Variants in STX16 observed in about 807,000 individuals in gnomAD.
The protein encoded by STX16 is syntaxin 16, also known as syntaxin-16.
STX16 carries 28 observed loss-of-function variants against 42.7 expected under a neutral mutation model. The ratio of observed to expected loss-of-function variants is 0.66; its 90% CI spans 0.49 to 0.90. STX16 has a LOEUF of 0.90. Among genes scored for constraint, STX16 ranks in the 40% least tolerant of loss-of-function variants. The probability of loss-of-function intolerance (pLI) is 0.00; values close to 1 mark genes in which losing one functional copy is unlikely to be tolerated. For missense variants in STX16, 361 were observed against 420.9 expected (o/e 0.86, Z 1.24); for synonymous variants, 156 against 155.2 (o/e 1.00, Z -0.04).
intron 7 of STX16, among the ~76,000 whole-genome samples, chr20:58,672,026 T>A (rs528886458): frequency 1.3e-5 from 2 of 152,174 alleles, no homozygotes; most frequent in Non-Finnish European, 2.9e-5. Context: ...CTTTGTTTTA[T>A]GCACAAAACT....
intron 2 of STX16, 64 bp from the exon 3 acceptor site, chr20:58,667,426 T>TA (rs1287659646): frequency 7.9e-7 from 1 of 1,262,454 alleles, no homozygotes; most frequent in African/African-American, 1.5e-5. Flanking sequence ...TAAGAGAGAG[T>TA]AAGAGTATTT....
chr20:58,660,012 T>G (rs2083664603), intron 2 of STX16, among the ~76,000 whole-genome samples: 1 of 152,188 alleles, frequency 6.6e-6, no homozygotes. Context: ...AAGGCCAGCA[T>G]GTCTGTGAAG....
intron 2 of STX16, among the ~76,000 whole-genome samples, chr20:58,660,217 A>G (rs1314504992): frequency 2.0e-5 from 3 of 152,222 alleles, no homozygotes; most frequent in Admixed American, 6.5e-5. Context: ...TGGAGAGAAT[A>G]TATATTCAAA....
At chr20:58,663,518 T>C (rs1165148680) in intron 2 of STX16, among the ~76,000 whole-genome samples, 1 of 152,178 alleles carries the variant, frequency 6.6e-6, no homozygotes, top group African/African-American at 2.4e-5. Flanking sequence ...TGCATTTCTC[T>C]CAGGAAGGAT....
chr20:58,667,549 T>G lies in STX16; in HGVS notation c.204T>G (p.Ile68Met). ...SGISLDPEAA[I>M]GVTKRPPPKW... is the part of the protein sequence containing the mutation. ...TCAGCTTAGATCCAGAAGCAGCGAT[T>G]GGTGTGACAAAACGGCCACCTCCTA... Residue 68 changes from isoleucine (I) to methionine (M), a missense_variant, in exon 3 of 9, where the codon ATT becomes ATG. Physicochemically the swap from Ile to Met is conservative, Grantham distance 10 (BLOSUM62 1). Transcript: ENST00000371141. 6.2e-7 allele frequency: 1 copy of G among 1,614,184 alleles called. No homozygotes were observed.
intron 4 of STX16, 65 bp from the exon 5 acceptor site, chr20:58,669,226 G>A: frequency 1.3e-6 from 2 of 1,551,212 alleles, no homozygotes; most frequent in South Asian, 1.1e-5. Flanking sequence ...GGCTTGTGAT[G>A]TGGCAGTGTT....
At chr20:58,653,903 C>G (rs1386401076) in intron 1 of STX16, among the ~76,000 whole-genome samples, 2 of 149,738 alleles carry the variant, frequency 1.3e-5, no homozygotes, top group African/African-American at 4.9e-5. Flanking sequence ...AACCTAGTAT[C>G]TGAGACGGGA....
chr20:58,671,424 T>TTTA lies in STX16; in HGVS notation c.792+128_792+129insTAT, dbSNP rs11474130. The stretch of plus-strand genomic sequence containing the variant: ...CCCAACATGTGTGTGCACCTGTCCT[T>TTTA]TATGTGTGTGTGGGTGTGTGTGTGT... On this transcript the variant is annotated intron_variant, in intron 7 of 8. Transcript: ENST00000371141. The TTTA allele has an allele frequency of 0.31, 173,407 of 563,936 alleles. 33,862 individuals carry two copies. The highest frequency in any genetic ancestry group is 0.34 in the South Asian group (13,942 of 40,584). 34.9% of individuals were successfully genotyped at this position (563,936 alleles called of 1,614,324 possible). A position where few individuals can be genotyped will look rare whatever the true frequency, so the allele number is the denominator to read the frequency against.
chr20:58,653,146 G>A (rs1053940770), intron 1 of STX16, among the ~76,000 whole-genome samples: 13 of 152,210 alleles, frequency 8.5e-5, no homozygotes, highest in African/African-American at 3.1e-4. Context: ...TAGAAGCAGC[G>A]TTGGAACAGG....
intron 2 of STX16, 82 bp downstream of exon 2, chr20:58,659,716 A>G: frequency 6.9e-7 from 1 of 1,454,530 alleles, no homozygotes; most frequent in Non-Finnish European, 9.6e-7. Context: ...TTGCTCATAT[A>G]TAAAATGCTA....
chr20:58,652,253 A>G lies in STX16; in HGVS notation c.132+115A>G, dbSNP rs1460446401. The G allele has an allele frequency of 3.5e-6, 5 of 1,420,340 alleles. No individual in the cohort carries two copies. The Admixed American group carries it at 9.7e-5, about 27-fold the overall frequency. The allele number at this position is 1,420,340 out of a possible 1,614,324, so 88.0% of individuals were successfully genotyped here. A position where few individuals can be genotyped will look rare whatever the true frequency, so the allele number is the denominator to read the frequency against. On this transcript the variant is annotated intron_variant, in intron 1 of 8. Transcript: ENST00000371141. ...AAGAGAAGATAAGAATAATAAGACT[A>G]AGAATAATAAGATCTCTTGGCTAGA...
rs1425554318 is a variant in STX16, at chr20:58,677,964, A to G, written c.*1673A>G. On this transcript the variant is annotated 3_prime_UTR_variant, in exon 9 of 9. Coordinates refer to ENST00000371141, the MANE Select transcript of STX16 (RefSeq NM_001001433.3). ...AAGCGGACCTGGTATTCCCTGACAA[A>G]CATTGCTTAGGAAAGAGGGCCGGAG... The G allele has an allele frequency of 6.6e-6, 1 of 152,252 alleles. No homozygotes were observed. Among genetic ancestry groups the G allele is most frequent in the Non-Finnish European group, 1.5e-5 (1 of 68,070 alleles). The allele number at this position is 152,252 out of a possible 1,614,324, so 9.4% of individuals were successfully genotyped here.
At chr20:58,661,986 G>A (rs528277054) in intron 2 of STX16, among the ~76,000 whole-genome samples, 4 of 152,176 alleles carry the variant, frequency 2.6e-5, no homozygotes, top group Non-Finnish European at 5.9e-5. Flanking sequence ...TCTAGCCTGA[G>A]TACCCTGGAG....
At position 58,679,335 on chromosome 20, in the gene STX16, CCCTT is replaced by C. The variant is rs1036447222; in HGVS notation, c.*3047_*3050del. On this transcript the variant is annotated 3_prime_UTR_variant, in exon 9 of 9. Transcript: ENST00000371141. ...TAATGGCTTCTTAAAGGTAATAAAA[CCCTT>C]CCAACGTAATTGGTCAGATAAAACT... 3 of 152,608 alleles carry C rather than the reference CCCTT, an allele frequency of 2.0e-5. No individual in the cohort carries two copies. Among genetic ancestry groups the C allele is most frequent in the African/African-American group, 7.2e-5 (3 of 41,456 alleles). The allele number at this position is 152,608 out of a possible 1,614,324, so 9.5% of individuals were successfully genotyped here. A position where few individuals can be genotyped will look rare whatever the true frequency, so the allele number is the denominator to read the frequency against.
intron 1 of STX16, 72 bp from the exon 2 acceptor site, chr20:58,659,551 G>T: frequency 6.5e-7 from 1 of 1,530,742 alleles, no homozygotes; most frequent in Non-Finnish European, 8.9e-7. Flanking sequence ...TTGTCTGTCT[G>T]TCTGTCCCAT....
At chr20:58,669,554 T>A (rs1601035835) in intron 5 of STX16, 101 bp downstream of exon 5, 1 of 1,358,442 alleles carries the variant, frequency 7.4e-7, no homozygotes, top group East Asian at 2.5e-5. Flanking sequence ...TACCTTTCAT[T>A]GTTAGCTTTT....
At chr20:58,666,682 G>C (rs1241339820) in intron 2 of STX16, among the ~76,000 whole-genome samples, 1 of 152,088 alleles carries the variant, frequency 6.6e-6, no homozygotes, top group East Asian at 1.9e-4. Context: ...GCCCGCCTTG[G>C]CCTCCCAAAG....
intron 3 of STX16, 56 bp from the exon 4 acceptor site, chr20:58,667,931 G>T: frequency 3.7e-6 from 6 of 1,607,042 alleles, no homozygotes; most frequent in Non-Finnish European, 5.1e-6. Flanking sequence ...GTAGCTGATG[G>T]AGGCAGACCA....
At chr20:58,652,197 TTGTC>T (rs947842462) in intron 1 of STX16, 59 bp downstream of exon 1, 69 of 1,605,576 alleles carry the variant, frequency 4.3e-5, no homozygotes, top group Middle Eastern at 1.6e-4. Flanking sequence ...CTCTGCCTGT[TTGTC>T]TGTCTCTGTC....
Sources: gnomAD v4.1 joint callset for allele counts (sites outside exome capture counted in the v4.1 genomes callset) on GRCh38, gnomAD v4.1.1 for gene constraint, MANE v1.5 for transcripts, NCBI Gene and HGNC (gene_info 2026-07-23, HGNC 2026-07-21) for gene names.